The following RBBP8 variants were observed in gnomAD, a reference collection of about 807,000 sequenced individuals.
The protein encoded by RBBP8 is RB binding protein 8, endonuclease.
Under a neutral mutation model 108.3 loss-of-function variants are expected in RBBP8, and 88 were observed. The observed-to-expected ratio is 0.81, with a 90% CI of 0.68 to 0.97. The LOEUF (loss-of-function observed/expected upper bound fraction) is 0.97. RBBP8 is among the 50% of genes least tolerant of loss of function. The pLI, the probability that RBBP8 is intolerant of heterozygous loss-of-function variation, is 0.00. For missense variants in RBBP8, 1,023 were observed against 1,049.0 expected (o/e 0.98, Z 0.34); for synonymous variants, 332 against 348.2 (o/e 0.95, Z 0.52).
chr18:23,025,204 G>A (rs975533808), intron 18 of RBBP8, among the ~76,000 whole-genome samples: 3 of 151,918 alleles, frequency 2.0e-5, no homozygotes, highest in Admixed American at 6.6e-5. Context: ...GCAGTGAGCC[G>A]TTATTGCACC....
chr18:23,025,086 C>G (rs549400388), intron 18 of RBBP8, among the ~76,000 whole-genome samples: 1 of 151,474 alleles, frequency 6.6e-6, no homozygotes, highest in East Asian at 1.9e-4. Context: ...TGGCTCTAGA[C>G]GAAATAAATA....
At chr18:22,986,449 A>C (rs1056060070) in intron 8 of RBBP8, among the ~76,000 whole-genome samples, 2 of 152,222 alleles carry the variant, frequency 1.3e-5, no homozygotes, top group African/African-American at 2.4e-5. Context: ...AACTAAGGAC[A>C]GAGAAAGTGG....
chr18:22,922,587 G>A (rs1385084445), intron 3 of RBBP8, among the ~76,000 whole-genome samples: 1 of 151,990 alleles, frequency 6.6e-6, no homozygotes, highest in Non-Finnish European at 1.5e-5. Flanking sequence ...CTCAGCCTAT[G>A]GAGTAGCTCG....
In RBBP8 at chr18:22,980,287, T is replaced by A. The variant is rs149172480; in HGVS notation, c.429-1931T>A. Among the ~76,000 whole-genome samples, 1,356 of 152,132 alleles carry A rather than the reference T, an allele frequency of 8.9e-3. 19 individuals carry two copies. The highest frequency in any genetic ancestry group is 0.031 in the African/African-American group (1,280 of 41,500). ...AAATAAAAATGAGTAAATTGCATAC[T>A]ATGTTAAAAAGCAGTAAATGCTGTG... On this transcript the variant is annotated intron_variant, in intron 6 of 18. Coordinates refer to ENST00000327155, the MANE Select transcript of RBBP8 (RefSeq NM_002894.3).
At chr18:23,014,669 ATGT>A (rs993246658) in intron 16 of RBBP8, among the ~76,000 whole-genome samples, 45 of 152,200 alleles carry the variant, frequency 3.0e-4, no homozygotes, top group Admixed American at 1.8e-3. Flanking sequence ...ATAAAATAAA[ATGT>A]TGTGCTTCTT....
At chr18:22,919,024 G>T (rs2144331045) in intron 3 of RBBP8, among the ~76,000 whole-genome samples, 2 of 152,256 alleles carry the variant, frequency 1.3e-5, no homozygotes, top group East Asian at 3.9e-4. Context: ...TATTTTGATA[G>T]CAAGTAATGA....
At chr18:22,947,871 A>G (rs556831383) in intron 3 of RBBP8, among the ~76,000 whole-genome samples, 2 of 152,144 alleles carry the variant, frequency 1.3e-5, no homozygotes, top group South Asian at 4.1e-4. Flanking sequence ...GTTAGTTTTA[A>G]CTTCAACTTA....
intron 4 of RBBP8, among the ~76,000 whole-genome samples, chr18:22,965,454 G>T (rs973835893): frequency 7.2e-5 from 11 of 152,022 alleles, no homozygotes; most frequent in African/African-American, 2.4e-4. Context: ...TCCTAAAGAA[G>T]ACTCCTTAAT....
At chr18:22,975,443 T>C (rs1359142138) in intron 6 of RBBP8, among the ~76,000 whole-genome samples, 1 of 152,110 alleles carries the variant, frequency 6.6e-6, no homozygotes, top group Non-Finnish European at 1.5e-5. Flanking sequence ...AACATTTTAA[T>C]TTTTATAATG....
At chr18:23,009,157 C>G (rs1049338943) in intron 16 of RBBP8, among the ~76,000 whole-genome samples, 1 of 152,096 alleles carries the variant, frequency 6.6e-6, no homozygotes, top group Non-Finnish European at 1.5e-5. Context: ...TTTATGTAAA[C>G]TCCTCTATCT....
chr18:22,983,959 C>G (rs1306842651), intron 7 of RBBP8, among the ~76,000 whole-genome samples: 1 of 152,172 alleles, frequency 6.6e-6, no homozygotes, highest in East Asian at 1.9e-4. Flanking sequence ...CACACGCGTG[C>G]AGTCCCAGCT....
At chr18:23,005,691 G>T (rs1017145649) in intron 15 of RBBP8, among the ~76,000 whole-genome samples, 1 of 152,102 alleles carries the variant, frequency 6.6e-6, no homozygotes, top group African/African-American at 2.4e-5. Context: ...GAGATTACAG[G>T]TGTGAGCCAC....
chr18:22,994,073 T>C (rs2045804780), intron 12 of RBBP8, among the ~76,000 whole-genome samples: 1 of 125,782 alleles, frequency 8.0e-6, no homozygotes, highest in Non-Finnish European at 1.6e-5. Context: ...CAGGCTGGAG[T>C]GCAGTGGCGC....
chr18:22,914,836 A>G (rs749951009), intron 1 of RBBP8, among the ~76,000 whole-genome samples: 13 of 152,182 alleles, frequency 8.5e-5, no homozygotes, highest in Non-Finnish European at 1.8e-4. Flanking sequence ...CTGATTAACT[A>G]TTGGAGCTCA....
At chr18:23,022,655 A>AAATAAAATAAAATAAAATACAATAC (rs2046382292) in intron 18 of RBBP8, among the ~76,000 whole-genome samples, 1 of 69,862 alleles carries the variant, frequency 1.4e-5, no homozygotes, top group Non-Finnish European at 4.1e-5. Flanking sequence ...ATACAATATA[A>AAATAAAATAAAATAAAATACAATAC]AATAAAATAA....
At chr18:23,007,954 A>T (rs2046086761) in intron 16 of RBBP8, among the ~76,000 whole-genome samples, 1 of 151,716 alleles carries the variant, frequency 6.6e-6, no homozygotes, top group South Asian at 2.1e-4. Context: ...CTGGGATTAC[A>T]GGTGCCCACC....
intron 7 of RBBP8, among the ~76,000 whole-genome samples, chr18:22,983,863 C>T (rs139771701): frequency 0.021 from 3,137 of 151,578 alleles, 141 homozygotes; most frequent in African/African-American, 0.074. Context: ...GGGTGGATCA[C>T]GAGGTCAGGA....
At chr18:23,015,333 A>G (rs891749005) in intron 16 of RBBP8, among the ~76,000 whole-genome samples, 1 of 152,216 alleles carries the variant, frequency 6.6e-6, no homozygotes, top group Non-Finnish European at 1.5e-5. Flanking sequence ...ATGTTATACA[A>G]TGCCAATTTA....
intron 7 of RBBP8, among the ~76,000 whole-genome samples, chr18:22,982,912 ATCT>A (rs917678743): frequency 5.3e-5 from 8 of 152,210 alleles, no homozygotes; most frequent in African/African-American, 1.9e-4. Context: ...TCAAATACAG[ATCT>A]TCTTAGCTCT....
Sources: gnomAD v4.1 joint callset for allele counts (sites outside exome capture counted in the v4.1 genomes callset) on GRCh38, gnomAD v4.1.1 for gene constraint, MANE v1.5 for transcripts, NCBI Gene and HGNC (gene_info 2026-07-23, HGNC 2026-07-21) for gene names.